Variants in AEBP2 observed in about 807,000 individuals in gnomAD.
AEBP2 encodes the protein AE binding protein 2, also known as zinc finger protein AEBP2.
In AEBP2, 10 loss-of-function variants were observed where a neutral mutation model predicts 50.8. That is an observed-to-expected ratio of 0.20 (90% CI 0.12 to 0.33). The LOEUF is 0.33. Among genes scored for constraint, AEBP2 ranks in the 10% least tolerant of loss-of-function variants. The pLI, the probability that AEBP2 is intolerant of heterozygous loss-of-function variation, is 1.00. For synonymous variants in AEBP2, 296 were observed against 261.3 expected (o/e 1.13, Z -1.28); for missense variants, 570 against 688.0 (o/e 0.83, Z 1.92).
At chr12:19,461,436 A>G (rs1188490400) in intron 1 of AEBP2, among the ~76,000 whole-genome samples, 2 of 152,118 alleles carry the variant, frequency 1.3e-5, no homozygotes, top group African/African-American at 2.4e-5. Context: ...ACTGTGTAAT[A>G]CTTTATTTTA....
intron 1 of AEBP2, among the ~76,000 whole-genome samples, chr12:19,445,298 A>G (rs1334164132): frequency 1.3e-5 from 2 of 151,800 alleles, no homozygotes; most frequent in Non-Finnish European, 2.9e-5. Context: ...TCCCGGGTTC[A>G]AGCAATTCTC....
chr12:19,445,094 G>C, intron 1 of AEBP2, among the ~76,000 whole-genome samples: 1 of 152,134 alleles, frequency 6.6e-6, no homozygotes, highest in Non-Finnish European at 1.5e-5. Context: ...TTCCTATCCT[G>C]TAAGATTGCA....
chr12:19,462,789 C>CT, intron 2 of AEBP2, 72 bp downstream of exon 2: 1 of 1,357,086 alleles, frequency 7.4e-7, no homozygotes, highest in South Asian at 1.5e-5. Flanking sequence ...GCTAGTTAGG[C>CT]TTTTTTGCTG....
intron 4 of AEBP2, among the ~76,000 whole-genome samples, chr12:19,496,829 T>G (rs1948989603): frequency 6.6e-6 from 1 of 151,216 alleles, no homozygotes; most frequent in African/African-American, 2.4e-5. Flanking sequence ...ACCCAACTAA[T>G]TTTTGTATTT....
chr12:19,411,954 C>T (rs1369554555), intron 1 of AEBP2, among the ~76,000 whole-genome samples: 1 of 152,252 alleles, frequency 6.6e-6, no homozygotes, highest in Admixed American at 6.5e-5. Flanking sequence ...GTATGTCTGA[C>T]TCTAAACTGG....
chr12:19,473,405 AT>A, intron 3 of AEBP2, 50 bp downstream of exon 3: 2 of 696,250 alleles, frequency 2.9e-6, no homozygotes, highest in Non-Finnish European at 3.8e-6. Context: ...TTATTTATTT[AT>A]TTATTTATTT....
chr12:19,500,158 C>T lies in AEBP2; in HGVS notation c.1236C>T (p.Cys412=). 1.2e-6 allele frequency: 2 copies of T among 1,602,980 alleles called. No individual in the cohort carries two copies. Among genetic ancestry groups the T allele is most frequent in the South Asian group, 1.1e-5 (1 of 88,718 alleles). The stretch of plus-strand genomic sequence containing the variant: ...ATGCGATAAGACATCGAGCCATATG[C>T]TTTAACCTCTCAGCTCATATAGAAA... ...TLDAIRHRAI[C]FNLSAHIESL... Residue 412 remains cysteine, a synonymous_variant, in exon 5 of 8, where the codon TGC becomes TGT. Coordinates refer to ENST00000266508, the MANE Select transcript of AEBP2 (RefSeq NM_153207.5).
chr12:19,460,217 C>T (rs1003023239), intron 1 of AEBP2, among the ~76,000 whole-genome samples: 24 of 152,072 alleles, frequency 1.6e-4, no homozygotes, highest in Non-Finnish European at 3.2e-4. Context: ...CTTAACATCC[C>T]CCCACCCCTC....
At chr12:19,431,452 G>A (rs1244993694) in intron 1 of AEBP2, among the ~76,000 whole-genome samples, 2 of 152,006 alleles carry the variant, frequency 1.3e-5, no homozygotes, top group African/African-American at 2.4e-5. Context: ...TAAAATACAC[G>A]AAAAGACAAA....
At position 19,514,704 on chromosome 12, in the gene AEBP2, A is replaced by G. The variant is rs1432908299; in HGVS notation, c.1401A>G (p.Arg467=). 2 of 1,610,588 alleles carry G rather than the reference A, an allele frequency of 1.2e-6. No individual in the cohort carries two copies. Among genetic ancestry groups the G allele is most frequent in the Non-Finnish European group, 8.5e-7 (1 of 1,178,588 alleles). ...ATGTGTGGGTGAATGAAAGTGAACG[A>G]CATCAGTTAAAAACTAAAGTAGTTC... ...LPDVWVNESE[R]HQLKTKVVHL... The change falls in exon 7 of 8, where the codon CGA becomes CGG. Residue 467 remains arginine (R), a synonymous_variant. Coordinates refer to ENST00000266508, the MANE Select transcript of AEBP2 (RefSeq NM_153207.5).
intron 3 of AEBP2, among the ~76,000 whole-genome samples, chr12:19,481,135 C>T: frequency 9.0e-6 from 1 of 111,366 alleles, no homozygotes; most frequent in East Asian, 3.1e-4. Context: ...GAGTCTCACT[C>T]TGTTGCCCAG....
intron 5 of AEBP2, among the ~76,000 whole-genome samples, chr12:19,506,190 A>G (rs1949154180): frequency 1.3e-5 from 2 of 151,994 alleles, no homozygotes; most frequent in African/African-American, 2.4e-5. Context: ...TCTGCCTCCC[A>G]GGTTCAAGTG....
At chr12:19,497,326 G>GTTTTTT (rs1491166710) in intron 4 of AEBP2, among the ~76,000 whole-genome samples, 8 of 60,244 alleles carry the variant, frequency 1.3e-4, no homozygotes, top group African/African-American at 7.2e-4. Flanking sequence ...GTTTCCAAAG[G>GTTTTTT]TGTTTTTTTT....
intron 1 of AEBP2, among the ~76,000 whole-genome samples, chr12:19,425,082 G>T (rs566197479): frequency 6.6e-6 from 1 of 152,246 alleles, no homozygotes; most frequent in Admixed American, 6.5e-5. Flanking sequence ...TCTCTGTCAT[G>T]TAACAGTCTA....
intron 1 of AEBP2, among the ~76,000 whole-genome samples, chr12:19,405,968 G>GTT (rs35045932): frequency 1.3e-4 from 17 of 129,806 alleles, no homozygotes; most frequent in East Asian, 2.3e-4. Flanking sequence ...TGCCTGGCCA[G>GTT]TTTTTTTTTT....
intron 2 of AEBP2, among the ~76,000 whole-genome samples, chr12:19,468,337 G>C (rs984836704): frequency 2.6e-5 from 4 of 151,992 alleles, no homozygotes; most frequent in African/African-American, 7.3e-5. Context: ...TTCTTTTTGT[G>C]TAATTTTACT....
chr12:19,457,538 T>C, intron 1 of AEBP2: 1 of 1,482,916 alleles, frequency 6.7e-7, no homozygotes, highest in South Asian at 1.3e-5. Flanking sequence ...TTTCAATGGT[T>C]CTTTTGTTGA....
Position 19,501,951 on chromosome 12 carries a change from G to A in AEBP2, c.1299+1730G>A, listed in dbSNP as rs577334612. Among the ~76,000 whole-genome samples, 590 of 152,082 alleles carry A rather than the reference G, an allele frequency of 3.9e-3. 4 individuals are homozygous for A. The highest frequency in any genetic ancestry group is 0.014 in the African/African-American group (563 of 41,488). ...CAATAAAAATCATACAAATTAAAAA[G>A]TACAGTGTACCAACTATTTACGTAG... is the stretch of plus-strand genomic sequence containing the variant. On this transcript the variant is annotated intron_variant, in intron 5 of 7. Coordinates refer to ENST00000266508, the MANE Select transcript of AEBP2 (RefSeq NM_153207.5).
At chr12:19,515,022 A>G (rs1949298910) in intron 7 of AEBP2, among the ~76,000 whole-genome samples, 1 of 152,176 alleles carries the variant, frequency 6.6e-6, no homozygotes, top group Non-Finnish European at 1.5e-5. Context: ...ATTTATCTTA[A>G]GTATGTTAGA....
Sources: allele counts gnomAD v4.1 joint callset (sites outside exome capture counted in the v4.1 genomes callset), GRCh38; gene constraint gnomAD v4.1.1; transcripts MANE v1.5; gene names NCBI Gene and HGNC (gene_info 2026-07-23, HGNC 2026-07-21).